The following ARHGAP18 variants were observed in gnomAD, a reference collection of about 807,000 sequenced individuals.
ARHGAP18 encodes the protein rho GTPase-activating protein 18.
ARHGAP18 carries 67 observed loss-of-function variants against 86.2 expected under a neutral mutation model. The observed-to-expected ratio is 0.78, with a 90% CI of 0.64 to 0.95. The LOEUF is 0.95. Among genes scored for constraint, ARHGAP18 ranks in the 40% least tolerant of loss-of-function variants. The pLI is 0.00. For synonymous variants in ARHGAP18, 283 were observed against 280.4 expected (o/e 1.01, Z -0.09); for missense variants, 691 against 780.4 (o/e 0.89, Z 1.37).
intron 6 of ARHGAP18, 45 bp downstream of exon 6, chr6:129,618,642 T>C: frequency 6.5e-7 from 1 of 1,528,868 alleles, no homozygotes; most frequent in African/African-American, 1.4e-5. Context: ...AGTCCATCCT[T>C]GCTATTTTAG....
intron 1 of ARHGAP18, among the ~76,000 whole-genome samples, chr6:129,704,652 C>A (rs1184543789): frequency 6.6e-6 from 1 of 152,120 alleles, no homozygotes; most frequent in Non-Finnish European, 1.5e-5. Flanking sequence ...CCACTGCTCA[C>A]CCCGTTCATT....
intron 14 of ARHGAP18, 24 bp from the exon 15 acceptor site, chr6:129,578,628 GT>G (rs1788227786): frequency 1.3e-5 from 20 of 1,560,532 alleles, no homozygotes; most frequent in Admixed American, 3.4e-5. Context: ...TGTTGTGTCA[GT>G]TTAATACAGC....
intron 1 of ARHGAP18, among the ~76,000 whole-genome samples, chr6:129,707,962 C>T (rs952517639): frequency 1.3e-5 from 2 of 152,036 alleles, no homozygotes; most frequent in African/African-American, 4.8e-5. Flanking sequence ...CAGTTCACCG[C>T]CCCGAAACCA....
chr6:129,659,634 A>T (rs1773910453), intron 1 of ARHGAP18, among the ~76,000 whole-genome samples: 1 of 152,060 alleles, frequency 6.6e-6, no homozygotes, highest in South Asian at 2.1e-4. Flanking sequence ...CACCCTAGCT[A>T]ATCTTTTTTG....
rs540086198 is a variant in ARHGAP18, at chr6:129,638,403, T to C, written c.543A>G (p.Ser181=). 6 of 1,613,486 alleles carry C rather than the reference T, an allele frequency of 3.7e-6. No individual in the cohort carries two copies. The highest frequency in any genetic ancestry group is 5.1e-6 in the Non-Finnish European group (6 of 1,179,850). ...VRDIFAQQRE[S]KETAPGGTES... ...AAAAAAGAAAACCTACTGTTTCTTT[T>C]GATTCTCTCTGTTGAGCAAATATGT... is the stretch of plus-strand genomic sequence containing the variant. Residue 181 remains serine, a synonymous_variant, in exon 3 of 15, where the codon TCA becomes TCG. Coordinates refer to ENST00000368149, the MANE Select transcript of ARHGAP18 (RefSeq NM_033515.3).
intron 12 of ARHGAP18, among the ~76,000 whole-genome samples, chr6:129,593,227 A>G (rs1408442466): frequency 6.6e-6 from 1 of 152,070 alleles, no homozygotes; most frequent in Non-Finnish European, 1.5e-5. Context: ...TGAAAGGCTG[A>G]GGAGGGAGGA....
chr6:129,656,297 C>T (rs1017163885), intron 1 of ARHGAP18, among the ~76,000 whole-genome samples: 2 of 152,218 alleles, frequency 1.3e-5, no homozygotes, highest in African/African-American at 4.8e-5. Flanking sequence ...GCAGTGCTCA[C>T]TGCTAGTTAA....
At chr6:129,619,793 G>C (rs1261691123) in intron 5 of ARHGAP18, among the ~76,000 whole-genome samples, 2 of 151,870 alleles carry the variant, frequency 1.3e-5, no homozygotes, top group Non-Finnish European at 2.9e-5. Context: ...AGCCAAGTAA[G>C]ATTGGTCCAG....
chr6:129,592,273 C>T (rs1160488814), intron 12 of ARHGAP18, among the ~76,000 whole-genome samples: 1 of 152,202 alleles, frequency 6.6e-6, no homozygotes, highest in East Asian at 1.9e-4. Flanking sequence ...TGCAACAATG[C>T]TTTGCAGCAA....
At chr6:129,605,992 T>A in intron 9 of ARHGAP18, 33 bp from the exon 10 acceptor site, 1 of 1,584,426 alleles carries the variant, frequency 6.3e-7, no homozygotes, top group African/African-American at 1.3e-5. Context: ...TGAACTCTTT[T>A]CTTCAGTGAA....
chr6:129,677,978 T>G (rs1297718745), intron 1 of ARHGAP18, among the ~76,000 whole-genome samples: 1 of 152,324 alleles, frequency 6.6e-6, no homozygotes, highest in East Asian at 1.9e-4. Context: ...ATAGCAATAC[T>G]TGAAAGGTAA....
intron 1 of ARHGAP18, among the ~76,000 whole-genome samples, chr6:129,684,662 C>A (rs764588074): frequency 1.3e-5 from 2 of 152,180 alleles, no homozygotes; most frequent in Admixed American, 6.5e-5. Context: ...TCCAAAACAG[C>A]ATTAATATAT....
chr6:129,623,823 G>C (rs1789283373), intron 5 of ARHGAP18, among the ~76,000 whole-genome samples: 1 of 152,274 alleles, frequency 6.6e-6, no homozygotes, highest in South Asian at 2.1e-4. Context: ...AATGTCTAAA[G>C]CATGCAACCT....
intron 6 of ARHGAP18, among the ~76,000 whole-genome samples, chr6:129,616,803 A>G (rs576734553): frequency 7.1e-4 from 108 of 152,194 alleles, no homozygotes; most frequent in African/African-American, 2.6e-3. Context: ...AAAATAAAAA[A>G]AAATTAGGCA....
intron 1 of ARHGAP18, among the ~76,000 whole-genome samples, chr6:129,705,265 C>A (rs1352760174): frequency 6.6e-6 from 1 of 152,138 alleles, no homozygotes; most frequent in Non-Finnish European, 1.5e-5. Context: ...AAGTCAAGAA[C>A]TGAGATAAGC....
At chr6:129,604,181 G>GT (rs1415966131) in intron 10 of ARHGAP18, among the ~76,000 whole-genome samples, 1 of 147,042 alleles carries the variant, frequency 6.8e-6, no homozygotes, top group East Asian at 2.0e-4. Flanking sequence ...GCATCTTCCA[G>GT]TTTTTTACCA....
intron 1 of ARHGAP18, among the ~76,000 whole-genome samples, chr6:129,703,971 C>CA (rs1774761758): frequency 7.3e-6 from 1 of 136,458 alleles, no homozygotes; most frequent in Non-Finnish European, 1.6e-5. Flanking sequence ...TTTTCAACAA[C>CA]AAAAAAATAT....
In ARHGAP18 at chr6:129,625,404, T is replaced by TTATGTATTGTATATAA. The variant is rs1789376462; in HGVS notation, c.786+3948_786+3949insTTATATACAATACATA. On this transcript the variant is annotated intron_variant, in intron 5 of 14. Coordinates refer to ENST00000368149, the MANE Select transcript of ARHGAP18 (RefSeq NM_033515.3). ...TATATTATATATTTATACATATGTA[T>TTATGTATTGTATATAA]TATATATTATATATAATATATATTA... Among the ~76,000 whole-genome samples the TTATGTATTGTATATAA allele has an allele frequency of 2.1e-4, 10 of 47,518 alleles. 3 individuals are homozygous for TTATGTATTGTATATAA. Among genetic ancestry groups the TTATGTATTGTATATAA allele is most frequent in the Non-Finnish European group, 3.4e-4 (10 of 29,666 alleles). The allele number at this position is 47,518 out of a possible 152,430, so 31.2% of individuals were successfully genotyped here. A position where few individuals can be genotyped will look rare whatever the true frequency, so the allele number is the denominator to read the frequency against.
At chr6:129,673,707 T>TAATGTA (rs1774179854) in intron 1 of ARHGAP18, among the ~76,000 whole-genome samples, 1 of 152,212 alleles carries the variant, frequency 6.6e-6, no homozygotes, top group African/African-American at 2.4e-5. Context: ...ATCAGTTAAC[T>TAATGTA]CTTTTTAATG....
Sources: gnomAD v4.1 joint callset for allele counts (sites outside exome capture counted in the v4.1 genomes callset) on GRCh38, gnomAD v4.1.1 for gene constraint, MANE v1.5 for transcripts, NCBI Gene and HGNC (gene_info 2026-07-23, HGNC 2026-07-21) for gene names.